Variants in SLC38A8 observed in about 807,000 individuals in gnomAD.
SLC38A8 encodes the protein amino acid transporter SLC38A8.
SLC38A8 carries 65 observed loss-of-function variants against 46.0 expected under a neutral mutation model. That is an observed-to-expected ratio of 1.41 (90% CI 1.16 to 1.74). The LOEUF (loss-of-function observed/expected upper bound fraction) is 1.74, where lower values mean the gene tolerates loss of function less well. Ranked by LOEUF, SLC38A8 falls within the 40% of genes most tolerant of loss-of-function variation. The pLI is 0.00. For synonymous variants in SLC38A8, 447 were observed against 243.7 expected (o/e 1.83, Z -7.77); for missense variants, 998 against 567.9 (o/e 1.76, Z -7.70).
At chr16:84,012,480 C>T (rs2084966016) in intron 10 of SLC38A8, among the ~76,000 whole-genome samples, 1 of 152,172 alleles carries the variant, frequency 6.6e-6, no homozygotes, top group African/African-American at 2.4e-5. Context: ...GGGTTGCATC[C>T]TAGCTCTGTC....
rs145119400 is a variant in SLC38A8, at chr16:84,041,988, G to A, written c.170C>T (p.Pro57Leu). 1,335 of 1,603,390 alleles carry A rather than the reference G, an allele frequency of 8.3e-4. 1 individual carries two copies. Among genetic ancestry groups the A allele is most frequent in the Non-Finnish European group, 5.3e-4 (617 of 1,174,146 alleles). Residue 57 changes from proline (P) to leucine (L), a missense_variant, in exon 2 of 11, where the codon CCT (proline) becomes CTT (leucine). By Grantham distance (98) the Pro-to-Leu change is moderately conservative. Transcript: ENST00000299709. ...WAFSKAGGVV[P>L]AFLVELVSLV... ...ACTTACCAGCTCCACCAGGAAGGCA[G>A]GGACCACTCCGCCCGCTTTGGAGAA...
chr16:84,020,197 G>A (rs948994715), intron 7 of SLC38A8, among the ~76,000 whole-genome samples: 15 of 151,640 alleles, frequency 9.9e-5, no homozygotes, highest in African/African-American at 3.4e-4. Context: ...CTGGAGGGCG[G>A]TGGCACAATC....
rs2085269090 is a variant in SLC38A8 at position 84,033,453 on chromosome 16, C to G, written c.405G>C (p.Leu135=). 1 of 1,607,392 alleles carries G rather than the reference C, an allele frequency of 6.2e-7. No homozygotes were observed. Among genetic ancestry groups the G allele is most frequent in the East Asian group, 2.2e-5 (1 of 44,780 alleles). The part of the protein sequence containing the change: ...DQLEKLCDSL[L]SGTPPAPQPW... Reference sequence around the variant, plus strand: ...GCTGCGGGGCGGGCGGGGTGCCAGACAGGAGGGAGTCACACACTGCCAGAG... The same window carrying G: ...GCTGCGGGGCGGGCGGGGTGCCAGAGAGGAGGGAGTCACACACTGCCAGAG... Residue 135 remains leucine (L), a synonymous_variant, in exon 4 of 11, where the codon CTG becomes CTC. Transcript: ENST00000299709.
intron 9 of SLC38A8, among the ~76,000 whole-genome samples, chr16:84,014,878 C>A (rs1303280860): frequency 6.6e-6 from 1 of 152,194 alleles, no homozygotes. Context: ...CCATCGCCCC[C>A]CCACCTCCGG....
chr16:84,020,871 T>G (rs927668609), intron 7 of SLC38A8, among the ~76,000 whole-genome samples: 1 of 152,236 alleles, frequency 6.6e-6, no homozygotes, highest in Admixed American at 6.5e-5. Flanking sequence ...CTATACGCGC[T>G]GCACTCTATA....
At position 84,020,747 on chromosome 16, in the gene SLC38A8, C is replaced by A. The variant is rs537869259; in HGVS notation, c.805+2028G>T. 2.0e-5 allele frequency among the ~76,000 whole-genome samples: 3 copies of A among 152,346 alleles called. No individual in the cohort carries two copies. In the South Asian group the frequency reaches 6.2e-4, roughly 32 times the overall value. ...GCCTCTGAGCCTGTGATGGGAGGGG[C>A]AGCCTCTAAGATATCTGAAATGCCT... On this transcript the variant is annotated intron_variant, in intron 7 of 10. Coordinates refer to ENST00000299709, the MANE Select transcript of SLC38A8 (RefSeq NM_001080442.3).
chr16:84,026,097 G>A (rs552250985), intron 6 of SLC38A8, among the ~76,000 whole-genome samples: 108 of 152,366 alleles, frequency 7.1e-4, no homozygotes, highest in Non-Finnish European at 1.2e-3. Context: ...GTCCCCGAAC[G>A]GCAGCTCTGC....
intron 10 of SLC38A8, among the ~76,000 whole-genome samples, chr16:84,012,781 G>A (rs1451106981): frequency 6.6e-6 from 1 of 152,226 alleles, no homozygotes; most frequent in Non-Finnish European, 1.5e-5. Flanking sequence ...CCTCAGAGTG[G>A]AAGGGAAGGC....
chr16:84,018,223 CTTTTTT>C (rs796178053), intron 7 of SLC38A8, among the ~76,000 whole-genome samples: 7 of 79,940 alleles, frequency 8.8e-5, no homozygotes, highest in African/African-American at 3.3e-4. Flanking sequence ...GCCCTCATTC[CTTTTTT>C]TTTTTTTTTT....
intron 5 of SLC38A8, among the ~76,000 whole-genome samples, chr16:84,031,296 C>A (rs1330177103): frequency 2.0e-5 from 3 of 152,176 alleles, no homozygotes; most frequent in African/African-American, 7.2e-5. Flanking sequence ...CTGCCTCAGC[C>A]TCCCAAAGTG....
At chr16:84,024,784 G>A (rs547299104) in intron 6 of SLC38A8, among the ~76,000 whole-genome samples, 2 of 152,198 alleles carry the variant, frequency 1.3e-5, no homozygotes, top group East Asian at 3.9e-4. Flanking sequence ...CCGCCTCCCG[G>A]GCTTAAGCGA....
At chr16:84,021,284 C>G (rs2085092604) in intron 7 of SLC38A8, among the ~76,000 whole-genome samples, 1 of 152,188 alleles carries the variant, frequency 6.6e-6, no homozygotes, top group Admixed American at 6.5e-5. Flanking sequence ...AGGCTGGTCT[C>G]AAAATCCTGA....
Position 84,013,571 on chromosome 16 carries a change from C to T in SLC38A8, c.1163-519G>A, listed in dbSNP as rs181714855. 7.1e-4 allele frequency among the ~76,000 whole-genome samples: 108 copies of T among 151,600 alleles called. 1 individual carries two copies. The highest frequency in any genetic ancestry group is 6.9e-3 in the South Asian group (33 of 4,778). ...TCAGCCTCCCGAGTAGCTGGGACTACAGGTGCGTGCCACCACACCCCGCTC... is the reference window on the plus strand; with the variant it reads ...TCAGCCTCCCGAGTAGCTGGGACTATAGGTGCGTGCCACCACACCCCGCTC... On this transcript the variant is annotated intron_variant, in intron 9 of 10. Transcript: ENST00000299709.
intron 1 of SLC38A8, among the ~76,000 whole-genome samples, 165 bp from the exon 2 acceptor site, chr16:84,042,324 G>C (rs963300853): frequency 2.0e-5 from 3 of 152,020 alleles, no homozygotes; most frequent in African/African-American, 7.3e-5. Flanking sequence ...GCATGCATCT[G>C]CCCACGACTT....
chr16:84,013,056 C>CA lies in SLC38A8; in HGVS notation c.1163-5dup, dbSNP rs760404306. 8 of 1,612,566 alleles carry CA rather than the reference C, an allele frequency of 5.0e-6. No individual in the cohort carries two copies. The highest frequency in any genetic ancestry group is 1.1e-5 in the South Asian group (1 of 90,982). On this transcript the variant is annotated splice_region_variant and splice_polypyrimidine_tract_variant and intron_variant, in intron 9 of 10. Coordinates refer to ENST00000299709, the MANE Select transcript of SLC38A8 (RefSeq NM_001080442.3). ...ATTGCACAGATGAGGCACAAACCTG[C>CA]AAAAAAGACAGGGTCACCCACAGTT...
chr16:84,037,413 G>C (rs904804362), intron 2 of SLC38A8, among the ~76,000 whole-genome samples: 1 of 152,168 alleles, frequency 6.6e-6, no homozygotes, highest in African/African-American at 2.4e-5. Context: ...GCTATGACAC[G>C]TCAGGACTGA....
intron 2 of SLC38A8, among the ~76,000 whole-genome samples, 166 bp from the exon 3 acceptor site, chr16:84,037,066 C>T (rs1011889966): frequency 1.9e-4 from 29 of 152,280 alleles, no homozygotes; most frequent in African/African-American, 6.0e-4. Context: ...GCACACACCC[C>T]CACCCCACCC....
intron 6 of SLC38A8, among the ~76,000 whole-genome samples, chr16:84,023,883 C>T (rs182244925): frequency 7.9e-5 from 12 of 152,302 alleles, no homozygotes; most frequent in African/African-American, 2.6e-4. Context: ...GACACAGTGA[C>T]ACTGTGTCTC....
intron 6 of SLC38A8, among the ~76,000 whole-genome samples, chr16:84,025,039 G>A (rs1161355064): frequency 6.6e-6 from 1 of 152,144 alleles, no homozygotes; most frequent in African/African-American, 2.4e-5. Context: ...TGAGTCATGT[G>A]AATTCATTTC....
Sources: gnomAD v4.1 joint callset for allele counts (sites outside exome capture counted in the v4.1 genomes callset) on GRCh38, gnomAD v4.1.1 for gene constraint, MANE v1.5 for transcripts, NCBI Gene and HGNC (gene_info 2026-07-23, HGNC 2026-07-21) for gene names.